The following AGBL1 variants were observed in gnomAD, a reference collection of about 807,000 sequenced individuals.
AGBL1 encodes the protein AGBL carboxypeptidase 1.
AGBL1 carries 130 observed loss-of-function variants against 118.9 expected under a neutral mutation model. That is an observed-to-expected ratio of 1.09 (90% confidence interval 0.95 to 1.26). The LOEUF is 1.26. AGBL1 is among the 50% of genes most tolerant of loss of function. The pLI is 0.00. For synonymous variants in AGBL1, 555 were observed against 478.9 expected, an observed-to-expected ratio of 1.16 and a Z score of -2.08; for missense variants, 1,584 against 1,298.1, an observed-to-expected ratio of 1.22 and a Z score of -3.38.
intron 23 of AGBL1, among the ~76,000 whole-genome samples, chr15:86,966,260 G>C (rs1055098395): frequency 1.7e-4 from 25 of 150,308 alleles, no homozygotes; most frequent in Non-Finnish European, 3.2e-4. Flanking sequence ...CTGAATTTAG[G>C]TGTGGGATTG....
chr15:87,030,209 C>T (rs747026520), downstream of AGBL1, among the ~76,000 whole-genome samples: 6 of 151,696 alleles, frequency 4.0e-5, no homozygotes, highest in Non-Finnish European at 8.8e-5. Flanking sequence ...GCACAATATG[C>T]AAGGATTCAG....
rs369571083 is a variant in AGBL1 at position 86,159,005 on chromosome 15, G to A, written c.467G>A (p.Arg156Gln). Reference sequence around the variant, plus strand: ...TTCAAGGTTATTACTCCTTACACCCGAAAGCGCACCCAAGCAATCAGGTAC... The same window carrying A: ...TTCAAGGTTATTACTCCTTACACCCAAAAGCGCACCCAAGCAATCAGGTAC... ...LLFKVITPYT[R>Q]KRTQAIRAAT... The change falls in exon 5 of 23, where the codon CGA (arginine) becomes CAA (glutamine). Residue 156 changes from arginine (R) to glutamine (Q), a missense_variant. Arg to Gln is a conservative substitution (Grantham distance 43, BLOSUM62 1). Coordinates refer to ENST00000614907, the MANE Select transcript of AGBL1 (RefSeq NM_001386094.1). The A allele has an allele frequency of 3.5e-5, 57 of 1,613,264 alleles. No homozygotes were observed. Among genetic ancestry groups the A allele is most frequent in the Non-Finnish European group, 4.0e-5 (47 of 1,179,376 alleles).
At chr15:86,792,907 G>A (rs530102532) in intron 22 of AGBL1, among the ~76,000 whole-genome samples, 1 of 152,042 alleles carries the variant, frequency 6.6e-6, no homozygotes, top group African/African-American at 2.4e-5. Context: ...ATAGATATTT[G>A]TCTCTTCCAT....
At chr15:86,198,101 G>C (rs1471242056) in intron 5 of AGBL1, among the ~76,000 whole-genome samples, 1 of 152,176 alleles carries the variant, frequency 6.6e-6, no homozygotes, top group Non-Finnish European at 1.5e-5. Flanking sequence ...CATTGAACTA[G>C]AAAGGATTAT....
chr15:86,850,089 C>T (rs1216006789), intron 22 of AGBL1, among the ~76,000 whole-genome samples: 1 of 152,200 alleles, frequency 6.6e-6, no homozygotes, highest in African/African-American at 2.4e-5. Flanking sequence ...TCTCCCTCAA[C>T]CCAATCGCAT....
intron 1 of AGBL1, among the ~76,000 whole-genome samples, chr15:86,127,179 G>A (rs577749390): frequency 1.3e-5 from 2 of 152,304 alleles, no homozygotes; most frequent in African/African-American, 4.8e-5. Flanking sequence ...TGATGATTAT[G>A]TTTATGAAGT....
chr15:86,726,214 A>G lies in AGBL1; in HGVS notation c.3158+51778A>G, dbSNP rs147681889. On this transcript the variant is annotated intron_variant, in intron 22 of 22. Transcript: ENST00000614907. ...GCTTTACCTAGCAAAAAAGCTCTCA[A>G]TTACTTGGCAGAGCTGTGACTAAAT... Among the ~76,000 whole-genome samples the G allele has an allele frequency of 5.0e-3, 767 of 152,346 alleles. 3 individuals are homozygous for G. Among genetic ancestry groups the G allele is most frequent in the African/African-American group, 0.018 (742 of 41,590 alleles).
At chr15:86,926,203 T>C (rs1567243663) in intron 23 of AGBL1, among the ~76,000 whole-genome samples, 1 of 152,152 alleles carries the variant, frequency 6.6e-6, no homozygotes, top group East Asian at 1.9e-4. Context: ...CTGTCTATCC[T>C]CTCCTTTCTA....
intron 21 of AGBL1, among the ~76,000 whole-genome samples, chr15:86,645,301 C>A (rs2085259375): frequency 6.6e-6 from 1 of 152,056 alleles, no homozygotes; most frequent in African/African-American, 2.4e-5. Flanking sequence ...GTAAAAAGAG[C>A]AGGGAAGTGT....
intron 22 of AGBL1, among the ~76,000 whole-genome samples, chr15:86,766,498 C>T (rs535268832): frequency 1.3e-4 from 19 of 151,886 alleles, no homozygotes; most frequent in East Asian, 3.9e-4. Flanking sequence ...TTCCATTCAA[C>T]GTTTTTATTT....
intron 5 of AGBL1, among the ~76,000 whole-genome samples, chr15:86,210,197 T>C (rs2141883212): frequency 6.6e-6 from 1 of 152,350 alleles, no homozygotes; most frequent in South Asian, 2.1e-4. Context: ...GTTAGTCTGA[T>C]GGGCTTCCCT....
chr15:86,704,138 C>G lies in AGBL1; in HGVS notation c.3158+29702C>G, dbSNP rs543163618. Among the ~76,000 whole-genome samples, 2 of 152,106 alleles carry G rather than the reference C, an allele frequency of 1.3e-5. 1 individual carries two copies. Among genetic ancestry groups the G allele is most frequent in the Non-Finnish European group, 2.9e-5 (2 of 68,016 alleles). ...TCCTTAGACCTTATACAAAAATTAA[C>G]TCAAGATGCATAAAGACTTAAATGT... On this transcript the variant is annotated intron_variant, in intron 22 of 22. Coordinates refer to ENST00000614907, the MANE Select transcript of AGBL1 (RefSeq NM_001386094.1).
intron 22 of AGBL1, among the ~76,000 whole-genome samples, chr15:86,730,344 C>T (rs1361148017): frequency 6.6e-6 from 1 of 151,946 alleles, no homozygotes; most frequent in African/African-American, 2.4e-5. Flanking sequence ...AAAATATTTG[C>T]AAACCATACA....
intron 1 of AGBL1, among the ~76,000 whole-genome samples, chr15:86,139,187 C>A (rs2076928335): frequency 6.6e-6 from 1 of 152,144 alleles, no homozygotes; most frequent in Admixed American, 6.5e-5. Context: ...TAGCCCAAAG[C>A]TCCCAGTGGA....
intron 21 of AGBL1, among the ~76,000 whole-genome samples, chr15:86,620,712 C>G (rs942867016): frequency 6.6e-6 from 1 of 152,196 alleles, no homozygotes; most frequent in Admixed American, 6.5e-5. Flanking sequence ...CAGAAATAAT[C>G]TATCTTCTCA....
At chr15:86,377,178 T>A (rs1235669574) in intron 17 of AGBL1, among the ~76,000 whole-genome samples, 1 of 152,220 alleles carries the variant, frequency 6.6e-6, no homozygotes, top group African/African-American at 2.4e-5. Flanking sequence ...TCTGGGTGCA[T>A]TGGATTATAT....
intron 21 of AGBL1, among the ~76,000 whole-genome samples, chr15:86,670,056 C>T (rs944696753): frequency 6.6e-6 from 1 of 152,076 alleles, no homozygotes; most frequent in Non-Finnish European, 1.5e-5. Flanking sequence ...AGTCATTCCT[C>T]GCCTATTAGA....
At chr15:86,925,363 G>C (rs1008486829) in intron 23 of AGBL1, among the ~76,000 whole-genome samples, 1 of 152,164 alleles carries the variant, frequency 6.6e-6, no homozygotes, top group Admixed American at 6.5e-5. Context: ...CTGGTCCAAG[G>C]AACACCCTTT....
intron 18 of AGBL1, among the ~76,000 whole-genome samples, chr15:86,418,509 C>T (rs1025753996): frequency 6.6e-6 from 1 of 152,180 alleles, no homozygotes. Flanking sequence ...TCCTAAGAGA[C>T]CCCATATTTC....
Sources: gnomAD v4.1 joint callset for allele counts (sites outside exome capture counted in the v4.1 genomes callset) on GRCh38, gnomAD v4.1.1 for gene constraint, MANE v1.5 for transcripts, NCBI Gene and HGNC (gene_info 2026-07-23, HGNC 2026-07-21) for gene names.